MBTPS1: variants seen among roughly 807,000 people sequenced by gnomAD.
MBTPS1 encodes membrane bound transcription factor peptidase, site 1.
Under a neutral mutation model 127.8 loss-of-function variants are expected in MBTPS1, and 94 were observed. The observed-to-expected ratio is 0.74, with a 90% confidence interval of 0.62 to 0.87. MBTPS1 has a LOEUF of 0.87. Among genes scored for constraint, MBTPS1 ranks in the 40% least tolerant of loss-of-function variants. The probability of loss-of-function intolerance (pLI) is 0.00; values close to 1 mark genes in which losing one functional copy is unlikely to be tolerated. For synonymous variants in MBTPS1, 632 were observed against 509.4 expected, an observed-to-expected ratio of 1.24 and a Z score of -3.24; for missense variants, 1,636 against 1,353.2, an observed-to-expected ratio of 1.21 and a Z score of -3.28.
chr16:84,113,549 G>A (rs2086428028), intron 1 of MBTPS1, among the ~76,000 whole-genome samples: 1 of 152,206 alleles, frequency 6.6e-6, no homozygotes, highest in South Asian at 2.1e-4. Context: ...TGGCCTAGCT[G>A]GTGGCTAGCA....
At chr16:84,070,894 G>A in intron 12 of MBTPS1, 118 bp from the exon 13 acceptor site, 1 of 749,950 alleles carries the variant, frequency 1.3e-6, no homozygotes, top group Non-Finnish European at 2.1e-6. Context: ...TCACTAAATA[G>A]GGAAAAATAA....
intron 1 of MBTPS1, among the ~76,000 whole-genome samples, chr16:84,112,958 G>A (rs1056052577): frequency 3.7e-5 from 5 of 133,340 alleles, no homozygotes; most frequent in Non-Finnish European, 6.2e-5. Context: ...CTGGGAGACA[G>A]AGCGAGATGC....
rs992766285 is a variant in MBTPS1, at chr16:84,053,855, G to C, written c.*594C>G. On this transcript the variant is annotated 3_prime_UTR_variant, in exon 23 of 23. Transcript: ENST00000343411. ...CCTCAAATTACAAAACATGGTGGCA[G>C]GTGATACTTACAAAAATAAAGCGAA... The C allele has an allele frequency of 6.6e-6, 1 of 152,180 alleles. No homozygotes were observed. The highest frequency in any genetic ancestry group is 1.5e-5 in the Non-Finnish European group (1 of 68,036). The allele number at this position is 152,180 out of a possible 1,614,324, so 9.4% of individuals were successfully genotyped here. A position where few individuals can be genotyped will look rare whatever the true frequency, so the allele number is the denominator to read the frequency against.
At chr16:84,091,116 C>T (rs1272009554) in intron 7 of MBTPS1, among the ~76,000 whole-genome samples, 174 bp from the exon 8 acceptor site, 2 of 152,034 alleles carry the variant, frequency 1.3e-5, no homozygotes, top group South Asian at 2.1e-4. Context: ...CCACCCGGGA[C>T]GGAGAAGCAC....
chr16:84,110,737 G>T (rs914960182), intron 1 of MBTPS1: 1 of 152,216 alleles, frequency 6.6e-6, no homozygotes, highest in Admixed American at 6.5e-5. Flanking sequence ...CCAGCAAGTA[G>T]AACAGCTGGG....
In MBTPS1 at chr16:84,099,068, G is replaced by C; in HGVS notation, c.406C>G (p.Leu136Val). 2 of 1,614,110 alleles carry C rather than the reference G, an allele frequency of 1.2e-6. No homozygotes were observed. Among genetic ancestry groups the C allele is most frequent in the East Asian group, 2.2e-5 (1 of 44,884 alleles). Residue 136 changes from leucine (L) to valine (V), a missense_variant, in exon 3 of 23, where the codon CTC becomes GTC. By Grantham distance (32) the Leu-to-Val change is conservative. Transcript: ENST00000343411. ...VTPQRKVFRS[L>V]KYAESDPTVP... ...CAATACTCACATTCAGCATACTTGAGGGAACGAAAGACTTTTCGTTGGGGC... is the reference window on the plus strand; with the variant it reads ...CAATACTCACATTCAGCATACTTGACGGAACGAAAGACTTTTCGTTGGGGC...
At chr16:84,074,817 A>G in intron 11 of MBTPS1, 76 bp from the exon 12 acceptor site, 1 of 1,370,476 alleles carries the variant, frequency 7.3e-7, no homozygotes, top group Non-Finnish European at 1.0e-6. Context: ...TACAAGACAG[A>G]GTTAACAAAG....
rs572118375 is a variant in MBTPS1 at position 84,053,800 on chromosome 16, T to A, written c.*649A>T. 1 of 152,190 alleles carries A rather than the reference T, an allele frequency of 6.6e-6. No individual in the cohort carries two copies. The highest frequency in any genetic ancestry group is 2.1e-4 in the South Asian group (1 of 4,822). 9.4% of individuals were successfully genotyped at this position (152,190 alleles called of 1,614,324 possible). A position where few individuals can be genotyped will look rare whatever the true frequency, so the allele number is the denominator to read the frequency against. ...ACGGGTAATACATATTTATTGAAAA[T>A]TTTCTTCACCGACAATGGTGAAATC... On this transcript the variant is annotated 3_prime_UTR_variant, in exon 23 of 23. Transcript: ENST00000343411.
intron 2 of MBTPS1, among the ~76,000 whole-genome samples, chr16:84,100,186 T>C (rs2086234164): frequency 1.3e-5 from 2 of 151,904 alleles, no homozygotes; most frequent in South Asian, 2.1e-4. Context: ...TCGAAGTGGA[T>C]GGATTGCTTG....
intron 13 of MBTPS1, 109 bp downstream of exon 13, chr16:84,070,479 T>C: frequency 8.9e-7 from 1 of 1,126,012 alleles, no homozygotes; most frequent in Non-Finnish European, 1.3e-6. Context: ...AGGATAAGCC[T>C]ATCTGTCAAC....
At position 84,093,066 on chromosome 16, in the gene MBTPS1, G is replaced by C. The variant is rs1024530842; in HGVS notation, c.846+122C>G. The C allele has an allele frequency of 2.5e-5, 18 of 721,364 alleles. No individual in the cohort carries two copies. In the African/African-American group the frequency reaches 2.6e-4, roughly 10 times the overall value. 44.7% of individuals were successfully genotyped at this position (721,364 alleles called of 1,614,324 possible). A position where few individuals can be genotyped will look rare whatever the true frequency, so the allele number is the denominator to read the frequency against. ...CAGTAAACTGAGCATGCGTGCTGCA[G>C]TATGAATGGCTCAGCGTCACTGACG... is the stretch of plus-strand genomic sequence containing the variant. On this transcript the variant is annotated intron_variant, in intron 6 of 22. Transcript: ENST00000343411.
intron 6 of MBTPS1, among the ~76,000 whole-genome samples, 198 bp downstream of exon 6, chr16:84,092,990 C>T (rs551938995): frequency 6.6e-6 from 1 of 152,230 alleles, no homozygotes; most frequent in East Asian, 1.9e-4. Context: ...CAACTTAGGT[C>T]GACACAGTGG....
At chr16:84,064,052 A>T (rs1478190510) in intron 18 of MBTPS1, among the ~76,000 whole-genome samples, 1 of 152,192 alleles carries the variant, frequency 6.6e-6, no homozygotes, top group African/African-American at 2.4e-5. Flanking sequence ...ATAATTTAAA[A>T]TTTGTAATGA....
At chr16:84,068,585 C>A (rs1250880244) in intron 14 of MBTPS1, 131 bp from the exon 15 acceptor site, 4 of 654,834 alleles carry the variant, frequency 6.1e-6, no homozygotes, top group East Asian at 5.4e-5. Context: ...GGCTGGCCCA[C>A]TGGCACAGGC....
chr16:84,091,731 C>T lies in MBTPS1; in HGVS notation c.963+1G>A, dbSNP rs1410015719. 2 of 1,610,232 alleles carry T rather than the reference C, an allele frequency of 1.2e-6. No individual in the cohort carries two copies. The highest frequency in any genetic ancestry group is 2.2e-5 in the South Asian group (2 of 91,000). On this transcript the variant is annotated splice_donor_variant, in intron 7 of 22. Transcript: ENST00000343411. LOFTEE classifies it high-confidence loss of function. ...ACCCCGTGTGCAGTGACTCCACAAA[C>T]CTTGTCAACAAACGGATGATCCATG...
At position 84,068,328 on chromosome 16, in the gene MBTPS1, G is replaced by A. The variant is rs763724334; in HGVS notation, c.2071+11C>T. On this transcript the variant is annotated intron_variant, in intron 15 of 22. Coordinates refer to ENST00000343411, the MANE Select transcript of MBTPS1 (RefSeq NM_003791.4). ...GAAAGACCATCTGGCTAGCACAGCA[G>A]TGCCACTTACCATACTGACTGGCAT... The A allele has an allele frequency of 2.6e-6, 4 of 1,542,960 alleles. No homozygotes were observed. In the Admixed American group the frequency reaches 5.0e-5, roughly 19 times the overall value.
In MBTPS1 at chr16:84,073,611, C is replaced by T. The variant is rs145138400; in HGVS notation, c.1593+986G>A. On this transcript the variant is annotated intron_variant, in intron 12 of 22. Coordinates refer to ENST00000343411, the MANE Select transcript of MBTPS1 (RefSeq NM_003791.4). ...GGAAGCGAGTTTTCTATGGTTTTTC[C>T]CTATTTTTTATTATTGTGATAGTGT... Among the ~76,000 whole-genome samples the T allele has an allele frequency of 4.3e-3, 659 of 152,056 alleles. 4 individuals carry two copies. The highest frequency in any genetic ancestry group is 0.015 in the African/African-American group (620 of 41,450).
intron 1 of MBTPS1, among the ~76,000 whole-genome samples, chr16:84,107,647 T>C (rs141361648): frequency 6.6e-6 from 1 of 151,614 alleles, no homozygotes; most frequent in Admixed American, 6.6e-5. Flanking sequence ...CAGTAAATGA[T>C]GGCAGAGGGA....
intron 13 of MBTPS1, among the ~76,000 whole-genome samples, chr16:84,070,274 T>C (rs549709203): frequency 1.3e-5 from 2 of 152,376 alleles, no homozygotes; most frequent in South Asian, 4.1e-4. Context: ...TAGAGCCTCA[T>C]AGGATTAACC....
Sources: allele counts gnomAD v4.1 joint callset (sites outside exome capture counted in the v4.1 genomes callset), GRCh38; gene constraint gnomAD v4.1.1; transcripts MANE v1.5; gene names NCBI Gene and HGNC (gene_info 2026-07-23, HGNC 2026-07-21).